ROBO2: variants seen among roughly 807,000 people sequenced by gnomAD.
ROBO2 encodes the protein roundabout guidance receptor 2, also known as roundabout homolog 2.
Under a neutral mutation model 160.8 loss-of-function variants are expected in ROBO2, and 53 were observed. That is an observed-to-expected ratio of 0.33 (90% CI 0.26 to 0.41). ROBO2 has a LOEUF of 0.41. Among genes scored for constraint, ROBO2 ranks in the 10% least tolerant of loss-of-function variants. The probability of loss-of-function intolerance (pLI) is 1.00; values close to 1 mark genes in which losing one functional copy is unlikely to be tolerated. For synonymous variants in ROBO2, 664 were observed against 611.7 expected (o/e 1.09, Z -1.26); for missense variants, 1,577 against 1,722.4 (o/e 0.92, Z 1.49).
intron 2 of ROBO2, among the ~76,000 whole-genome samples, chr3:77,408,920 G>C (rs2076476408): frequency 6.6e-6 from 1 of 151,582 alleles, no homozygotes. Context: ...TTTTTATAGA[G>C]GTAGGTCCTT....
chr3:76,510,863 C>CT (rs2081051833), intron 2 of ROBO2, among the ~76,000 whole-genome samples: 2 of 152,052 alleles, frequency 1.3e-5, no homozygotes, highest in Admixed American at 1.3e-4. Flanking sequence ...CACATGCCAC[C>CT]TAATGATATG....
chr3:76,951,952 C>T (rs1256331505), intron 2 of ROBO2, among the ~76,000 whole-genome samples: 1 of 152,186 alleles, frequency 6.6e-6, no homozygotes, highest in Non-Finnish European at 1.5e-5. Flanking sequence ...AGAGCCCTTC[C>T]CCAGCTTTGT....
chr3:76,462,672 G>T (rs2078151135), intron 2 of ROBO2, among the ~76,000 whole-genome samples: 1 of 151,610 alleles, frequency 6.6e-6, no homozygotes, highest in Non-Finnish European at 1.5e-5. Flanking sequence ...CAGGGAGTAA[G>T]AGGAAATATA....
chr3:76,637,746 C>T (rs2090420127), intron 2 of ROBO2, among the ~76,000 whole-genome samples: 2 of 152,090 alleles, frequency 1.3e-5, no homozygotes, highest in South Asian at 2.1e-4. Context: ...TATGCATTAG[C>T]AAGTTTTCAA....
chr3:76,834,377 A>G (rs2067479566), intron 2 of ROBO2, among the ~76,000 whole-genome samples: 1 of 151,064 alleles, frequency 6.6e-6, no homozygotes, highest in Non-Finnish European at 1.5e-5. Flanking sequence ...TTACTTATTT[A>G]TTTTTGAGAT....
At chr3:76,547,325 T>C (rs2083165058) in intron 2 of ROBO2, among the ~76,000 whole-genome samples, 1 of 152,052 alleles carries the variant, frequency 6.6e-6, no homozygotes, top group Admixed American at 6.5e-5. Context: ...AAGCACTGTC[T>C]TAATTCACTG....
intron 4 of ROBO2, 101 bp from the exon 5 acceptor site, chr3:77,493,143 T>C (rs764562002): frequency 7.2e-6 from 9 of 1,243,620 alleles, no homozygotes; most frequent in South Asian, 2.4e-5. Context: ...GGTACCTGTG[T>C]ACCAAAAGTA....
chr3:76,377,627 G>A (rs181677326), intron 2 of ROBO2, among the ~76,000 whole-genome samples: 49 of 152,170 alleles, frequency 3.2e-4, no homozygotes, highest in Admixed American at 1.6e-3. Context: ...ACACTTCAGC[G>A]AATGCTCTCC....
chr3:76,670,457 C>G (rs1029295860), intron 2 of ROBO2, among the ~76,000 whole-genome samples: 1 of 151,902 alleles, frequency 6.6e-6, no homozygotes. Context: ...GTATGGCTGC[C>G]AGAAATGTCA....
exon 2 of ROBO2, chr3:77,098,083 A>T: frequency 6.3e-7 from 1 of 1,574,946 alleles, no homozygotes; most frequent in Non-Finnish European, 8.7e-7. Flanking sequence ...ATCGTCTCTA[A>T]GGGCGAGCCC....
At chr3:77,354,077 A>G (rs1157445587) in intron 2 of ROBO2, among the ~76,000 whole-genome samples, 1 of 152,134 alleles carries the variant, frequency 6.6e-6, no homozygotes, top group Non-Finnish European at 1.5e-5. Context: ...GAAACTCATT[A>G]CTTTATTTAC....
chr3:76,741,065 G>C (rs12634239), intron 2 of ROBO2, among the ~76,000 whole-genome samples: 99,482 of 151,748 alleles, frequency 0.66, 32,815 homozygotes, highest in African/African-American at 0.74. Context: ...TTTTCTAGCT[G>C]GTTCTACTTA....
At chr3:76,799,701 T>C (rs1044376865) in intron 2 of ROBO2, among the ~76,000 whole-genome samples, 1 of 152,042 alleles carries the variant, frequency 6.6e-6, no homozygotes, top group Admixed American at 6.6e-5. Flanking sequence ...GTATAAAATA[T>C]TTAGGCAAGA....
At chr3:76,276,463 T>C (rs1707927817) in intron 2 of ROBO2, among the ~76,000 whole-genome samples, 1 of 152,060 alleles carries the variant, frequency 6.6e-6, no homozygotes, top group Non-Finnish European at 1.5e-5. Flanking sequence ...AATATAGAAC[T>C]TCTATCAAAC....
chr3:76,700,640 G>C (rs895340919), intron 2 of ROBO2, among the ~76,000 whole-genome samples: 1 of 152,112 alleles, frequency 6.6e-6, no homozygotes, highest in Admixed American at 6.6e-5. Context: ...ATTGGAAACT[G>C]CTTCCTTTGA....
At position 77,565,987 on chromosome 3, in the gene ROBO2, A is replaced by G. The variant is rs548592398; in HGVS notation, c.1849+867A>G. On this transcript the variant is annotated intron_variant, in intron 12 of 25. Transcript: ENST00000461745. ...AGAAACGGTAATTTTATTATTTGTTATAACCTACTTCCCACAGGGTTCTTC... is the reference window on the plus strand; with the variant it reads ...AGAAACGGTAATTTTATTATTTGTTGTAACCTACTTCCCACAGGGTTCTTC... 9.2e-5 allele frequency among the ~76,000 whole-genome samples: 14 copies of G among 152,222 alleles called. No homozygotes were observed. In the East Asian group the frequency reaches 1.9e-3, roughly 21 times the overall value.
chr3:77,210,546 G>A (rs928595949), intron 2 of ROBO2, among the ~76,000 whole-genome samples: 3 of 151,882 alleles, frequency 2.0e-5, no homozygotes, highest in South Asian at 2.1e-4. Context: ...AACATCAAAT[G>A]GTATTCCCCT....
At chr3:76,294,304 C>T (rs1708958369) in intron 2 of ROBO2, among the ~76,000 whole-genome samples, 1 of 152,104 alleles carries the variant, frequency 6.6e-6, no homozygotes, top group Admixed American at 6.5e-5. Flanking sequence ...CCTTCCAACT[C>T]AGAAGGGAAA....
At chr3:76,536,971 C>A (rs533465785) in intron 2 of ROBO2, among the ~76,000 whole-genome samples, 1 of 151,872 alleles carries the variant, frequency 6.6e-6, no homozygotes, top group Admixed American at 6.6e-5. Flanking sequence ...AGTTGTGGAA[C>A]GAAACTGTAA....
Sources: allele counts gnomAD v4.1 joint callset (sites outside exome capture counted in the v4.1 genomes callset), GRCh38; gene constraint gnomAD v4.1.1; transcripts MANE v1.5; gene names NCBI Gene and HGNC (gene_info 2026-07-23, HGNC 2026-07-21).